Variants in LPP observed in about 807,000 individuals in gnomAD.
LPP encodes the protein lipoma-preferred partner.
In LPP, 38 loss-of-function variants were observed where a neutral mutation model predicts 60.4. The observed-to-expected ratio is 0.63, with a 90% CI of 0.49 to 0.83. The LOEUF (loss-of-function observed/expected upper bound fraction) is 0.83. Among genes scored for constraint, LPP ranks in the 40% least tolerant of loss-of-function variants. The probability of loss-of-function intolerance (pLI) is 0.00; values close to 1 mark genes in which losing one functional copy is unlikely to be tolerated. For synonymous variants in LPP, 328 were observed against 290.8 expected (o/e 1.13, Z -1.30); for missense variants, 902 against 783.6 (o/e 1.15, Z -1.80).
intron 9 of LPP, among the ~76,000 whole-genome samples, chr3:188,865,441 A>T (rs1273600636): frequency 1.3e-5 from 2 of 152,158 alleles, no homozygotes; most frequent in East Asian, 1.9e-4. Flanking sequence ...AGCCTAATTG[A>T]TTATGCTGAG....
At chr3:188,698,527 G>C (rs1486205817) in intron 7 of LPP, among the ~76,000 whole-genome samples, 2 of 150,978 alleles carry the variant, frequency 1.3e-5, no homozygotes, top group African/African-American at 4.9e-5. Context: ...GGCCCGCATG[G>C]AGGTTTAGAG....
At chr3:188,476,462 T>A (rs1327776301) in intron 4 of LPP, among the ~76,000 whole-genome samples, 2 of 152,220 alleles carry the variant, frequency 1.3e-5, no homozygotes, top group African/African-American at 4.8e-5. Flanking sequence ...ACTTCTTTGG[T>A]AGGATAATTT....
rs912619909 is a variant in LPP, at chr3:188,217,602, G to T, written c.-189-7803G>T. The stretch of plus-strand genomic sequence containing the variant: ...AACTTTGACTAGGGCATAGAAGTTG[G>T]GCAGGAGAGGTAAGTTTGGGGCATG... On this transcript the variant is annotated intron_variant, in intron 1 of 11. Coordinates refer to ENST00000617246, the MANE Select transcript of LPP (RefSeq NM_001375462.1). The surrounding 1 kb of genome is among the most constrained non-coding windows in gnomAD (Gnocchi z 4.0). Among the ~76,000 whole-genome samples the T allele has an allele frequency of 5.3e-5, 8 of 152,196 alleles. No individual in the cohort carries two copies. Among genetic ancestry groups the T allele is most frequent in the Non-Finnish European group, 1.0e-4 (7 of 68,018 alleles).
chr3:188,405,279 G>A (rs1187462484), intron 3 of LPP, among the ~76,000 whole-genome samples: 1 of 152,138 alleles, frequency 6.6e-6, no homozygotes, highest in African/African-American at 2.4e-5. Flanking sequence ...TCATTTAAAA[G>A]TGTCCTGCCA....
At chr3:188,287,204 G>A (rs1188329374) in intron 2 of LPP, among the ~76,000 whole-genome samples, 1 of 152,196 alleles carries the variant, frequency 6.6e-6, no homozygotes, top group African/African-American at 2.4e-5. Context: ...CCTGGCCAAA[G>A]CACAAGTTTA....
chr3:188,743,748 T>A (rs1293576518), intron 8 of LPP: 1 of 152,046 alleles, frequency 6.6e-6, no homozygotes, highest in Non-Finnish European at 1.5e-5. Context: ...CTTGAATGTC[T>A]CCAAAGAGGA....
At chr3:188,299,372 C>T (rs1748982356) in intron 2 of LPP, among the ~76,000 whole-genome samples, 1 of 152,202 alleles carries the variant, frequency 6.6e-6, no homozygotes, top group Admixed American at 6.5e-5. Flanking sequence ...ATTCCAAGAC[C>T]AGGCACATTT....
At chr3:188,376,239 A>T (rs1775039183) in intron 3 of LPP, among the ~76,000 whole-genome samples, 1 of 151,630 alleles carries the variant, frequency 6.6e-6, no homozygotes, top group Non-Finnish European at 1.5e-5. Context: ...TGCAGAGCTG[A>T]GTTCAATTCC....
intron 9 of LPP, among the ~76,000 whole-genome samples, chr3:188,806,883 A>G (rs1749308466): frequency 6.6e-6 from 1 of 151,964 alleles, no homozygotes; most frequent in Non-Finnish European, 1.5e-5. Flanking sequence ...ATAAATACAC[A>G]GCACATTGAT....
intron 7 of LPP, among the ~76,000 whole-genome samples, chr3:188,699,987 G>T (rs1864059500): frequency 6.6e-6 from 1 of 152,150 alleles, no homozygotes; most frequent in South Asian, 2.1e-4. Context: ...TTTCTGGCAG[G>T]CTTTCAGCTC....
At position 188,885,391 on chromosome 3, in the gene LPP, C is replaced by T. The variant is rs56310807; in HGVS notation, c.*10912C>T. ...TTAAATAGCAAATGACTTCTCACCCCTTCCTAGTCCTCATGCCTGAGGAAT... is the reference window on the plus strand; with the variant it reads ...TTAAATAGCAAATGACTTCTCACCCTTTCCTAGTCCTCATGCCTGAGGAAT... On this transcript the variant is annotated 3_prime_UTR_variant, in exon 12 of 12. Transcript: ENST00000617246. The T allele has an allele frequency of 0.034, 6,547 of 193,716 alleles. 143 individuals are homozygous for T. Among genetic ancestry groups the T allele is most frequent in the Non-Finnish European group, 0.051 (4,724 of 92,778 alleles). 12.0% of individuals were successfully genotyped at this position (193,716 alleles called of 1,614,324 possible). A position where few individuals can be genotyped will look rare whatever the true frequency, so the allele number is the denominator to read the frequency against.
In LPP at chr3:188,463,868, A is replaced by G. The variant is rs990984773; in HGVS notation, c.194-20724A>G. ...CATCCTTTATGTACTTGGTCCTCAT[A>G]ACATTCACACTAAGCATTCATGGCA... On this transcript the variant is annotated intron_variant, in intron 4 of 11. Coordinates refer to ENST00000617246, the MANE Select transcript of LPP (RefSeq NM_001375462.1). 3.3e-5 allele frequency among the ~76,000 whole-genome samples: 5 copies of G among 152,188 alleles called. No homozygotes were observed. The South Asian group carries it at 1.0e-3, about 32-fold the overall frequency.
intron 5 of LPP, among the ~76,000 whole-genome samples, chr3:188,523,476 A>T (rs1438947681): frequency 6.6e-6 from 1 of 152,206 alleles, no homozygotes; most frequent in East Asian, 1.9e-4. Flanking sequence ...ACTAGGGCAT[A>T]CGGAACTAGT....
Position 188,881,139 on chromosome 3 carries a change from C to CGAAAAAAAAAAAAAAAAAAA in LPP, c.*6660_*6661insGAAAAAAAAAAAAAAAAAAA, listed in dbSNP as rs1769950263. Reference sequence around the variant, plus strand: ...TGGGCGAAAGAGCGAGACTCCGTCTCAAAAAAAAAAAAAAAAAAATAGGAT... The same window carrying CGAAAAAAAAAAAAAAAAAAA: ...TGGGCGAAAGAGCGAGACTCCGTCTCGAAAAAAAAAAAAAAAAAAAAAAAAAAAAAAAAAAAAAATAGGAT... On this transcript the variant is annotated 3_prime_UTR_variant, in exon 12 of 12. Coordinates refer to ENST00000617246, the MANE Select transcript of LPP (RefSeq NM_001375462.1). 1.4e-5 allele frequency: 1 copy of CGAAAAAAAAAAAAAAAAAAA among 72,388 alleles called. No individual in the cohort carries two copies. The allele number at this position is 72,388 out of a possible 1,614,324, so 4.5% of individuals were successfully genotyped here.
chr3:188,857,175 T>C (rs1159884200), intron 9 of LPP, among the ~76,000 whole-genome samples: 1 of 152,178 alleles, frequency 6.6e-6, no homozygotes, highest in Non-Finnish European at 1.5e-5. Flanking sequence ...AGTGTCCTAG[T>C]ATGTGAGGTG....
rs537306156 is a variant in LPP at position 188,881,519 on chromosome 3, A to G, written c.*7040A>G. ...TTCTTTAGGGTTGAAAGTAAACGAA[A>G]TTGGAATCACCCAAAGAGAATTTCC... On this transcript the variant is annotated 3_prime_UTR_variant, in exon 12 of 12. Coordinates refer to ENST00000617246, the MANE Select transcript of LPP (RefSeq NM_001375462.1). 4.7e-6 allele frequency: 1 copy of G among 214,674 alleles called. No homozygotes were observed. Among genetic ancestry groups the G allele is most frequent in the South Asian group, 1.9e-4 (1 of 5,368 alleles). 13.3% of individuals were successfully genotyped at this position (214,674 alleles called of 1,614,324 possible).
At chr3:188,559,018 G>T (rs1337725900) in intron 6 of LPP, among the ~76,000 whole-genome samples, 3 of 151,996 alleles carry the variant, frequency 2.0e-5, no homozygotes. Context: ...GAAATGCATG[G>T]GTTCTAATGC....
chr3:188,317,655 G>GT (rs1238330223), intron 2 of LPP, among the ~76,000 whole-genome samples: 1 of 152,196 alleles, frequency 6.6e-6, no homozygotes, highest in Non-Finnish European at 1.5e-5. Context: ...ATTTAGTGTA[G>GT]TGCAACTAAG....
At chr3:188,265,870 GGT>G (rs55722565) in intron 2 of LPP, among the ~76,000 whole-genome samples, 7,823 of 143,242 alleles carry the variant, frequency 0.055, 456 homozygotes, top group African/African-American at 0.15. Context: ...GGATTACTCT[GGT>G]GTGTGTGTGT....
Sources: allele counts gnomAD v4.1 joint callset (sites outside exome capture counted in the v4.1 genomes callset), GRCh38; gene constraint gnomAD v4.1.1; non-coding constraint Gnocchi (gnomAD v3.1); transcripts MANE v1.5; gene names NCBI Gene and HGNC (gene_info 2026-07-23, HGNC 2026-07-21).